Variants in DNAJB4 observed in about 807,000 individuals in gnomAD.
The protein encoded by DNAJB4 is dnaJ homolog subfamily B member 4.
Under a neutral mutation model 26.6 loss-of-function variants are expected in DNAJB4, and 10 were observed. The observed-to-expected ratio is 0.38, with a 90% CI of 0.23 to 0.64. DNAJB4 has a LOEUF of 0.64. Ranked by LOEUF, DNAJB4 falls within the 30% of genes least tolerant of loss-of-function variation. The pLI is 0.58. For missense variants in DNAJB4, 328 were observed against 408.2 expected, an observed-to-expected ratio of 0.80 and a Z score of 1.69; for synonymous variants, 136 against 134.8, an observed-to-expected ratio of 1.01 and a Z score of -0.06.
intron 1 of DNAJB4, chr1:77,980,459 A>G (rs1237446653): frequency 6.6e-6 from 1 of 151,896 alleles, no homozygotes; most frequent in Non-Finnish European, 1.5e-5. Context: ...CGTGGCATGT[A>G]ATTTACTGTG....
chr1:77,986,230 A>C (rs989238698), intron 1 of DNAJB4, among the ~76,000 whole-genome samples: 1 of 152,204 alleles, frequency 6.6e-6, no homozygotes, highest in Admixed American at 6.5e-5. Flanking sequence ...CTCAGATCAC[A>C]TACCACTGAA....
upstream of DNAJB4, among the ~76,000 whole-genome samples, chr1:78,003,029 A>T (rs964833001): frequency 2.7e-5 from 4 of 148,956 alleles, no homozygotes; most frequent in Admixed American, 2.0e-4. Flanking sequence ...ATAAGTGTCT[A>T]TTTTTTTTTT....
chr1:77,993,721 T>G (rs1305020570), intron 1 of DNAJB4, among the ~76,000 whole-genome samples: 1 of 152,230 alleles, frequency 6.6e-6, no homozygotes, highest in Admixed American at 6.5e-5. Flanking sequence ...AATGGTTGGC[T>G]TGATATGCTG....
chr1:78,001,080 TA>T (rs1418196495), upstream of DNAJB4, among the ~76,000 whole-genome samples: 1 of 152,146 alleles, frequency 6.6e-6, no homozygotes, highest in East Asian at 1.9e-4. Flanking sequence ...CACCCTGGTT[TA>T]TGCCTGTAAT....
intron 1 of DNAJB4, among the ~76,000 whole-genome samples, chr1:77,984,059 AC>A (rs1224476163): frequency 2.0e-5 from 3 of 152,208 alleles, no homozygotes; most frequent in African/African-American, 7.2e-5. Context: ...CTGTGTTCCT[AC>A]ATAAGCAAAC....
upstream of DNAJB4, among the ~76,000 whole-genome samples, chr1:78,004,148 AC>A (rs1660259718): frequency 6.6e-6 from 1 of 152,166 alleles, no homozygotes; most frequent in African/African-American, 2.4e-5. Context: ...CTGCAGCACC[AC>A]AGTTCTTTAA....
At chr1:77,993,770 A>G (rs1460531687) in intron 1 of DNAJB4, among the ~76,000 whole-genome samples, 1 of 152,198 alleles carries the variant, frequency 6.6e-6, no homozygotes, top group African/African-American at 2.4e-5. Context: ...TTTTTGAAAT[A>G]TTAATAACTT....
At chr1:78,015,979 A>C in intron 2 of DNAJB4, 35 bp from the exon 3 acceptor site, 1 of 1,570,416 alleles carries the variant, frequency 6.4e-7, no homozygotes, top group East Asian at 2.3e-5. Flanking sequence ...TGAGTTTTGA[A>C]GTGTTTTCAT....
chr1:77,993,508 G>T (rs746232787), intron 1 of DNAJB4, among the ~76,000 whole-genome samples: 2 of 151,950 alleles, frequency 1.3e-5, no homozygotes, highest in Non-Finnish European at 2.9e-5. Flanking sequence ...TAGAGATAGG[G>T]TTTCACCACG....
intron 1 of DNAJB4, among the ~76,000 whole-genome samples, chr1:77,987,607 T>G (rs1342716409): frequency 6.6e-6 from 1 of 152,158 alleles, no homozygotes; most frequent in Non-Finnish European, 1.5e-5. Context: ...AGTTTCTCCC[T>G]TCTCCCCTCT....
At chr1:77,982,980 C>CA (rs1051451479) in intron 1 of DNAJB4, among the ~76,000 whole-genome samples, 1 of 152,122 alleles carries the variant, frequency 6.6e-6, no homozygotes, top group African/African-American at 2.4e-5. Context: ...GACACAAAGA[C>CA]AAAGTATGCT....
Position 78,005,277 on chromosome 1 carries a change from G to A in DNAJB4, c.167G>A (p.Ser56Asn), listed in dbSNP as rs760595061. The A allele has an allele frequency of 1.9e-6, 3 of 1,613,900 alleles. No individual in the cohort carries two copies. The South Asian group carries it at 3.3e-5, about 18-fold the overall frequency. The change falls in exon 1 of 3, where the codon AGT (serine) becomes AAT (asparagine). Residue 56 changes from serine (S) to asparagine (N), a missense_variant. Transcript: ENST00000370763. ...KEVAEAYEVL[S>N]DPKKREIYDQ... ...GTCGCAGAAGCTTATGAAGTATTGA[G>A]TGATCCTAAAAAGAGAGAAATATAT...
intron 2 of DNAJB4, 96 bp from the exon 3 acceptor site, chr1:78,015,918 A>G: frequency 2.0e-6 from 2 of 1,017,988 alleles, no homozygotes; most frequent in South Asian, 3.4e-5. Flanking sequence ...TTAAAGTTTT[A>G]CCTTAGTGGT....
chr1:78,016,232 T>C lies in DNAJB4; in HGVS notation c.999T>C (p.His333=). The C allele has an allele frequency of 3.7e-6, 6 of 1,613,388 alleles. No homozygotes were observed. Among genetic ancestry groups the C allele is most frequent in the Non-Finnish European group, 5.1e-6 (6 of 1,179,522 alleles). The part of the protein sequence containing the change: ...SSSSKEVLRK[H]LPAS Reference sequence around the variant, plus strand: ...CATCCAAAGAAGTACTTAGGAAACATCTTCCTGCCTCATAGAATGAAGAAC... The same window carrying C: ...CATCCAAAGAAGTACTTAGGAAACACCTTCCTGCCTCATAGAATGAAGAAC... Residue 333 remains histidine, a synonymous_variant, in exon 3 of 3, where the codon CAT becomes CAC. Coordinates refer to ENST00000370763, the MANE Select transcript of DNAJB4 (RefSeq NM_007034.5).
upstream of DNAJB4, among the ~76,000 whole-genome samples, chr1:78,000,020 A>G (rs772619667): frequency 1.3e-5 from 2 of 152,226 alleles, no homozygotes; most frequent in African/African-American, 2.4e-5. Flanking sequence ...ACTGAAATAC[A>G]ATGAATGCTA....
At chr1:77,984,679 T>C (rs1336487881) in intron 1 of DNAJB4, among the ~76,000 whole-genome samples, 2 of 152,222 alleles carry the variant, frequency 1.3e-5, no homozygotes, top group Non-Finnish European at 2.9e-5. Flanking sequence ...TCTTATTCTT[T>C]GGTTTGCCCA....
chr1:77,997,969 G>A (rs763575338), intron 1 of DNAJB4, among the ~76,000 whole-genome samples: 1 of 151,910 alleles, frequency 6.6e-6, no homozygotes, highest in Non-Finnish European at 1.5e-5. Flanking sequence ...GTATTTTCAC[G>A]GGGTTTTACC....
At chr1:77,985,121 A>G (rs887131122) in intron 1 of DNAJB4, among the ~76,000 whole-genome samples, 2 of 152,196 alleles carry the variant, frequency 1.3e-5, no homozygotes, top group African/African-American at 4.8e-5. Context: ...CAGGATGTCT[A>G]CCTTTACTGA....
chr1:77,991,271 T>G (rs1208949645), intron 1 of DNAJB4, among the ~76,000 whole-genome samples: 2 of 152,172 alleles, frequency 1.3e-5, no homozygotes, highest in African/African-American at 4.8e-5. Context: ...TTTAACTGAT[T>G]ATGGTTAATG....
Sources: allele counts gnomAD v4.1 joint callset (sites outside exome capture counted in the v4.1 genomes callset), GRCh38; gene constraint gnomAD v4.1.1; transcripts MANE v1.5; gene names NCBI Gene and HGNC (gene_info 2026-07-23, HGNC 2026-07-21).